Variants in SFTPA2 observed in about 807,000 individuals in gnomAD.
SFTPA2 encodes the protein pulmonary surfactant-associated protein A2.
A neutral mutation model predicts 20.3 loss-of-function variants in SFTPA2; 21 were observed. That is an observed-to-expected ratio of 1.03 (90% CI 0.73 to 1.49). The LOEUF (loss-of-function observed/expected upper bound fraction) is 1.49, where lower values mean the gene tolerates loss of function less well. SFTPA2 is among the 40% of genes most tolerant of loss of function. The pLI is 0.00. For missense variants in SFTPA2, 302 were observed against 314.8 expected (o/e 0.96, Z 0.31); for synonymous variants, 116 against 118.7 (o/e 0.98, Z 0.15).
chr10:79,559,110 C>T (rs1296885174), intron 3 of SFTPA2, 105 bp from the exon 4 acceptor site: 1 of 1,610,576 alleles, frequency 6.2e-7, no homozygotes, highest in Non-Finnish European at 8.5e-7. Flanking sequence ...AGCTATCACT[C>T]CGTGGGCACT....
In SFTPA2 at chr10:79,559,500, G is replaced by A. The variant is rs748440488; in HGVS notation, c.-17C>T. The stretch of plus-strand genomic sequence containing the variant: ...CAGCCACATGGCTCTGGGTCCAGTC[G>A]CTGCTCCTGCCGGAGGGATGGCCGT... On this transcript the variant is annotated 5_prime_UTR_variant, in exon 3 of 6. Transcript: ENST00000372325. The A allele has an allele frequency of 7.5e-6, 12 of 1,606,316 alleles. No individual in the cohort carries two copies. Among genetic ancestry groups the A allele is most frequent in the East Asian group, 4.5e-5 (2 of 44,778 alleles).
chr10:79,557,337 T>A lies in SFTPA2; in HGVS notation c.619A>T (p.Asn207Tyr), dbSNP rs1375597489. ...TCCCCTCGGTACCAGTTGGTGTAGT[T>A]TACAGGGGTCCCATCTGAGTAGCGG... ...DFRYSDGTPVNYTNWYRGEPA... is the reference protein window; with the variant it reads ...DFRYSDGTPVYYTNWYRGEPA... Residue 207 changes from asparagine (N) to tyrosine (Y), a missense_variant, in exon 6 of 6, where the codon AAC becomes TAC. Physicochemically the swap from Asn to Tyr is moderately radical, Grantham distance 143. Coordinates refer to ENST00000372325, the MANE Select transcript of SFTPA2 (RefSeq NM_001098668.4). 1.9e-6 allele frequency: 3 copies of A among 1,614,182 alleles called. No homozygotes were observed. The East Asian group carries it at 6.7e-5, about 36-fold the overall frequency.
chr10:79,558,271 G>C (rs974276209), intron 4 of SFTPA2, 142 bp from the exon 5 acceptor site: 6 of 1,557,600 alleles, frequency 3.9e-6, no homozygotes, highest in Non-Finnish European at 5.2e-6. Flanking sequence ...AGGCTCAGAG[G>C]GTCCACGAGA....
At chr10:79,558,849 C>G in intron 4 of SFTPA2, 37 bp downstream of exon 4, 2 of 1,614,042 alleles carry the variant, frequency 1.2e-6, no homozygotes, top group Non-Finnish European at 1.7e-6. Context: ...GTCGCTGTGC[C>G]CATGTTTCCA....
At chr10:79,560,059 G>A (rs1859108101) in intron 1 of SFTPA2, 61 bp from the exon 2 acceptor site, 2 of 1,051,642 alleles carry the variant, frequency 1.9e-6, no homozygotes, top group South Asian at 6.8e-5. Context: ...GATCATCGGG[G>A]GGTGATGACC....
chr10:79,558,554 C>T (rs61860960), intron 4 of SFTPA2, among the ~76,000 whole-genome samples: 21,350 of 151,498 alleles, frequency 0.14, 1,737 homozygotes, highest in South Asian at 0.24. Context: ...ATGCCTCGTC[C>T]GCATTCACCC....
rs17884396 is a variant in SFTPA2, at chr10:79,558,865, C to T, written c.292+21G>A. On this transcript the variant is annotated intron_variant, in intron 4 of 5. Transcript: ENST00000372325. The stretch of plus-strand genomic sequence containing the variant: ...TCGCTGTGCCCATGTTTCCACTGCC[C>T]ACCTGCCCCGCCCTGCTCACCTGGA... 419,481 of 1,613,696 alleles carry T rather than the reference C, an allele frequency of 0.26. 59,938 individuals carry two copies. The highest frequency in any genetic ancestry group is 0.52 in the African/African-American group (39,298 of 74,868).
Position 79,559,609 on chromosome 10 carries a change from G to A in SFTPA2, c.-23-103C>T. On this transcript the variant is annotated intron_variant, in intron 2 of 5. Coordinates refer to ENST00000372325, the MANE Select transcript of SFTPA2 (RefSeq NM_001098668.4). ...AGCTGGGCAGAGCCCGAGAGGCAGG[G>A]CGGGCGAGACCAGAGTGCTGGGAAG... The A allele has an allele frequency of 1.9e-6, 3 of 1,586,600 alleles. No individual in the cohort carries two copies. In the East Asian group the frequency reaches 6.9e-5, roughly 36 times the overall value.
chr10:79,557,133 C>T lies in SFTPA2; in HGVS notation c.*76G>A. ...CTGTTGAAAGGGAGTTCTAGCATCT[C>T]ACAGACCAAGTGGATCCTGGGGATG... On this transcript the variant is annotated 3_prime_UTR_variant, in exon 6 of 6. Coordinates refer to ENST00000372325, the MANE Select transcript of SFTPA2 (RefSeq NM_001098668.4). 6.2e-7 allele frequency: 1 copy of T among 1,612,552 alleles called. No individual in the cohort carries two copies. Among genetic ancestry groups the T allele is most frequent in the Non-Finnish European group, 8.5e-7 (1 of 1,178,978 alleles).
chr10:79,558,674 C>T (rs750613794), intron 4 of SFTPA2, among the ~76,000 whole-genome samples: 30 of 152,160 alleles, frequency 2.0e-4, no homozygotes, highest in Non-Finnish European at 3.4e-4. Flanking sequence ...TCATGAGGCA[C>T]GGAGGACTTC....
In SFTPA2 at chr10:79,556,550, T is replaced by A. The variant is rs918149133; in HGVS notation, c.*659A>T. The A allele has an allele frequency of 6.5e-6, 1 of 153,492 alleles. No individual in the cohort carries two copies. Among genetic ancestry groups the A allele is most frequent in the African/African-American group, 2.4e-5 (1 of 41,406 alleles). 9.5% of individuals were successfully genotyped at this position (153,492 alleles called of 1,614,324 possible). ...GCTGCCTCCAGGTCAGGGGGCTGAG[T>A]TGGCATCCAAAGACTCAAAGGAGTG... On this transcript the variant is annotated 3_prime_UTR_variant, in exon 6 of 6. Transcript: ENST00000372325.
chr10:79,556,413 G>GGGT lies in SFTPA2; in HGVS notation c.*793_*795dup. The GGGT allele has an allele frequency of 6.2e-6, 1 of 161,152 alleles. No individual in the cohort carries two copies. The highest frequency in any genetic ancestry group is 2.1e-4 in the South Asian group (1 of 4,828). The allele number at this position is 161,152 out of a possible 1,614,324, so 10.0% of individuals were successfully genotyped here. ...GGGAAAGTGGAGCCGGTGGCATGGG[G>GGGT]GGTGGTGTGAATGCCCACCGAGGTC... is the stretch of plus-strand genomic sequence containing the variant. On this transcript the variant is annotated 3_prime_UTR_variant, in exon 6 of 6. Transcript: ENST00000372325.
At chr10:79,558,221 A>G in intron 4 of SFTPA2, 92 bp from the exon 5 acceptor site, 1 of 1,608,874 alleles carries the variant, frequency 6.2e-7, no homozygotes, top group Non-Finnish European at 8.5e-7. Flanking sequence ...CAATCCTGGA[A>G]CTCTGCCCTT....
chr10:79,557,071 T>C lies in SFTPA2; in HGVS notation c.*138A>G. On this transcript the variant is annotated 3_prime_UTR_variant, in exon 6 of 6. Coordinates refer to ENST00000372325, the MANE Select transcript of SFTPA2 (RefSeq NM_001098668.4). ...GGGCCCATCAGGGGAATGAAGTGGC[T>C]AAGGGTGCCTCCAGCTCTAATAGCC... 1 of 1,450,340 alleles carries C rather than the reference T, an allele frequency of 6.9e-7. No homozygotes were observed. The highest frequency in any genetic ancestry group is 1.3e-5 in the South Asian group (1 of 77,842). The allele number at this position is 1,450,340 out of a possible 1,614,324, so 89.8% of individuals were successfully genotyped here.
rs769906268 is a variant in SFTPA2 at position 79,558,874 on chromosome 10, C to A, written c.292+12G>T. ...CCATGTTTCCACTGCCCACCTGCCC[C>A]GCCCTGCTCACCTGGAGGGCCTCTC... On this transcript the variant is annotated intron_variant, in intron 4 of 5. Transcript: ENST00000372325. 6.2e-7 allele frequency: 1 copy of A among 1,614,126 alleles called. No homozygotes were observed.
intron 2 of SFTPA2, chr10:79,559,768 A>C (rs17881517): frequency 0.017 from 25,271 of 1,512,190 alleles, 288 homozygotes; most frequent in Non-Finnish European, 0.019. Flanking sequence ...TGGGGAGCCC[A>C]GGGACCTGGG....
rs1564666481 is a variant in SFTPA2 at position 79,556,506 on chromosome 10, T to A, written c.*703A>T. ...GGTCATGTCTGCAGTGGGGGGCTCT[T>A]CCCTAGAGGCCTTGGCCGGCTGCCT... On this transcript the variant is annotated 3_prime_UTR_variant, in exon 6 of 6. Transcript: ENST00000372325. 1 of 154,386 alleles carries A rather than the reference T, an allele frequency of 6.5e-6. No homozygotes were observed. Among genetic ancestry groups the A allele is most frequent in the African/African-American group, 2.4e-5 (1 of 41,458 alleles). 9.6% of individuals were successfully genotyped at this position (154,386 alleles called of 1,614,324 possible).
rs549206934 is a variant in SFTPA2 at position 79,556,936 on chromosome 10, C to G, written c.*273G>C. The stretch of plus-strand genomic sequence containing the variant: ...CTGGACCAGATGGGGAATAAGGAGG[C>G]CTCCATCTCATGCCAAAGGCCAAGG... On this transcript the variant is annotated 3_prime_UTR_variant, in exon 6 of 6. Coordinates refer to ENST00000372325, the MANE Select transcript of SFTPA2 (RefSeq NM_001098668.4). The G allele has an allele frequency of 6.4e-4, 353 of 550,426 alleles. 1 individual carries two copies. Among genetic ancestry groups the G allele is most frequent in the African/African-American group, 5.0e-3 (262 of 52,428 alleles). The allele number at this position is 550,426 out of a possible 1,614,324, so 34.1% of individuals were successfully genotyped here.
rs370663861 is a variant in SFTPA2, at chr10:79,556,929, A to G, written c.*280T>C. 6 of 550,798 alleles carry G rather than the reference A, an allele frequency of 1.1e-5. No individual in the cohort carries two copies. In the East Asian group the frequency reaches 1.3e-4, roughly 12 times the overall value. The allele number at this position is 550,798 out of a possible 1,614,324, so 34.1% of individuals were successfully genotyped here. A position where few individuals can be genotyped will look rare whatever the true frequency, so the allele number is the denominator to read the frequency against. On this transcript the variant is annotated 3_prime_UTR_variant, in exon 6 of 6. Coordinates refer to ENST00000372325, the MANE Select transcript of SFTPA2 (RefSeq NM_001098668.4). ...GAAGGAACTGGACCAGATGGGGAAT[A>G]AGGAGGCCTCCATCTCATGCCAAAG... is the stretch of plus-strand genomic sequence containing the variant.
Sources: allele counts gnomAD v4.1 joint callset (sites outside exome capture counted in the v4.1 genomes callset), GRCh38; gene constraint gnomAD v4.1.1; transcripts MANE v1.5; gene names NCBI Gene and HGNC (gene_info 2026-07-23, HGNC 2026-07-21).